Variants in FRMD4A observed in about 807,000 individuals in gnomAD.
FRMD4A encodes the protein FERM domain containing 4A, also known as FERM domain-containing protein 4A.
Under a neutral mutation model 129.1 loss-of-function variants are expected in FRMD4A, and 29 were observed. The ratio of observed to expected loss-of-function variants is 0.22; its 90% confidence interval spans 0.17 to 0.31. FRMD4A has a LOEUF of 0.31. Among genes scored for constraint, FRMD4A ranks in the 10% least tolerant of loss-of-function variants. The probability of loss-of-function intolerance (pLI) is 1.00; values close to 1 mark genes in which losing one functional copy is unlikely to be tolerated. For synonymous variants in FRMD4A, 634 were observed against 571.6 expected (o/e 1.11, Z -1.56); for missense variants, 1,272 against 1,375.8 (o/e 0.92, Z 1.19).
intron 21 of FRMD4A, among the ~76,000 whole-genome samples, chr10:13,658,119 AC>A (rs752269264): frequency 1.6e-4 from 22 of 136,812 alleles, no homozygotes; most frequent in Non-Finnish European, 2.8e-4. Flanking sequence ...ACAGGGCAAG[AC>A]CCTGTCTCTC....
At chr10:13,971,851 G>C in intron 2 of FRMD4A, 1 of 1,300,770 alleles carries the variant, frequency 7.7e-7, no homozygotes, top group Non-Finnish European at 1.0e-6. Context: ...CCACATCCAG[G>C]GCTGTGTTCT....
intron 2 of FRMD4A, among the ~76,000 whole-genome samples, chr10:14,146,805 C>A (rs866852952): frequency 4.0e-4 from 61 of 152,304 alleles, no homozygotes; most frequent in Middle Eastern, 6.8e-3. Context: ...CAAGAGCACA[C>A]AGCACTCACC....
At chr10:13,825,427 A>G (rs1188152726) in intron 3 of FRMD4A, among the ~76,000 whole-genome samples, 1 of 152,186 alleles carries the variant, frequency 6.6e-6, no homozygotes, top group Non-Finnish European at 1.5e-5. Context: ...CCACCTAAGC[A>G]GCAGTATTAG....
chr10:14,042,078 A>C (rs1833799302), intron 2 of FRMD4A, among the ~76,000 whole-genome samples: 2 of 152,332 alleles, frequency 1.3e-5, no homozygotes, highest in Admixed American at 6.5e-5. Flanking sequence ...AACTTCTCTC[A>C]GAAGCAAAAT....
At chr10:13,979,450 G>T (rs527792678) in intron 2 of FRMD4A, among the ~76,000 whole-genome samples, 1 of 152,174 alleles carries the variant, frequency 6.6e-6, no homozygotes, top group Non-Finnish European at 1.5e-5. Context: ...GGAATTAAGA[G>T]GTTAGAAAAT....
At chr10:14,180,501 A>G (rs1589134699) in intron 2 of FRMD4A, among the ~76,000 whole-genome samples, 1 of 152,130 alleles carries the variant, frequency 6.6e-6, no homozygotes, top group Non-Finnish European at 1.5e-5. Flanking sequence ...AGAAGACCCA[A>G]CCTCCATTAC....
chr10:14,111,604 G>C (rs546877940), intron 2 of FRMD4A, among the ~76,000 whole-genome samples: 3 of 152,250 alleles, frequency 2.0e-5, no homozygotes, highest in Admixed American at 1.3e-4. Context: ...TCAATTCACT[G>C]TGGATTAATT....
chr10:13,727,034 C>T (rs143008160), intron 12 of FRMD4A, among the ~76,000 whole-genome samples: 1,772 of 152,320 alleles, frequency 0.012, 29 homozygotes, highest in African/African-American at 0.04. Flanking sequence ...TCCCTAGTAG[C>T]TGGGATTACA....
intron 12 of FRMD4A, among the ~76,000 whole-genome samples, chr10:13,724,502 G>A (rs1055269510): frequency 1.3e-5 from 2 of 152,192 alleles, no homozygotes; most frequent in Non-Finnish European, 1.5e-5. Flanking sequence ...GGTTACTACC[G>A]GTTCATGGCT....
chr10:14,133,723 T>C (rs932185313), intron 2 of FRMD4A, among the ~76,000 whole-genome samples: 3 of 151,066 alleles, frequency 2.0e-5, no homozygotes, highest in Non-Finnish European at 2.9e-5. Context: ...CAACCTTCAC[T>C]ACCCTTTTTG....
intron 4 of FRMD4A, among the ~76,000 whole-genome samples, chr10:13,796,877 G>A (rs2093130723): frequency 6.6e-6 from 1 of 152,054 alleles, no homozygotes; most frequent in South Asian, 2.1e-4. Flanking sequence ...GAGCCACCAT[G>A]CCCGGCTAAT....
intron 2 of FRMD4A, among the ~76,000 whole-genome samples, chr10:13,946,249 T>C (rs1425082789): frequency 6.6e-6 from 1 of 152,240 alleles, no homozygotes. Flanking sequence ...GGCAGATGCT[T>C]CCCTGAACGC....
chr10:13,705,197 G>A (rs930537000), intron 13 of FRMD4A, among the ~76,000 whole-genome samples: 2 of 152,136 alleles, frequency 1.3e-5, no homozygotes, highest in East Asian at 1.9e-4. Flanking sequence ...CAGAAGCTTC[G>A]CAAGAAACAT....
chr10:14,218,228 T>C (rs1215962228), intron 2 of FRMD4A, among the ~76,000 whole-genome samples: 2 of 152,234 alleles, frequency 1.3e-5, no homozygotes, highest in Non-Finnish European at 2.9e-5. Flanking sequence ...ATTGAAGATT[T>C]TCCTGAAGAT....
chr10:13,652,021 C>T (rs1314071851), intron 23 of FRMD4A, 47 bp from the exon 24 acceptor site: 1 of 975,564 alleles, frequency 1.0e-6, no homozygotes, highest in Non-Finnish European at 1.7e-6. Flanking sequence ...GGTCATGTTA[C>T]AGAGAGACAC....
rs1166816342 is a variant in FRMD4A at position 13,780,998 on chromosome 10, TA to T, written c.384+1923del. Among the ~76,000 whole-genome samples the T allele has an allele frequency of 5.3e-5, 8 of 152,292 alleles. No homozygotes were observed. The South Asian group carries it at 1.0e-3, about 20-fold the overall frequency. On this transcript the variant is annotated intron_variant, in intron 6 of 24. Transcript: ENST00000357447. ...GTGATCTACACAGACAATAAAATGT[TA>T]TTTAGCCTTAAAAAGGAAGGCAGCC...
intron 2 of FRMD4A, among the ~76,000 whole-genome samples, chr10:14,133,016 G>T (rs188760983): frequency 6.6e-6 from 1 of 152,326 alleles, no homozygotes; most frequent in Admixed American, 6.5e-5. Context: ...TCATCAGTAA[G>T]ATCAGAATAA....
chr10:13,801,129 C>T (rs2093245133), intron 4 of FRMD4A, among the ~76,000 whole-genome samples: 1 of 152,248 alleles, frequency 6.6e-6, no homozygotes, highest in Non-Finnish European at 1.5e-5. Flanking sequence ...TGCCTGTAGT[C>T]CCAGCTTCTT....
At chr10:14,206,810 A>AAAAAAAAAAAAAAAG (rs1842795901) in intron 2 of FRMD4A, among the ~76,000 whole-genome samples, 1 of 54,868 alleles carries the variant, frequency 1.8e-5, no homozygotes, top group African/African-American at 9.5e-5. Context: ...ACGCTATCTC[A>AAAAAAAAAAAAAAAG]AAAAAAAAAA....
Sources: gnomAD v4.1 joint callset for allele counts (sites outside exome capture counted in the v4.1 genomes callset) on GRCh38, gnomAD v4.1.1 for gene constraint, MANE v1.5 for transcripts, NCBI Gene and HGNC (gene_info 2026-07-23, HGNC 2026-07-21) for gene names.